The following CCDC73 variants were observed in gnomAD, a reference collection of about 807,000 sequenced individuals.
CCDC73 encodes the protein coiled-coil domain containing 73.
Under a neutral mutation model 116.5 loss-of-function variants are expected in CCDC73, and 95 were observed. The observed-to-expected ratio is 0.82, with a 90% confidence interval of 0.69 to 0.97. The LOEUF (loss-of-function observed/expected upper bound fraction) is 0.97. CCDC73 is among the 50% of genes least tolerant of loss of function. The probability of loss-of-function intolerance (pLI) is 0.00; values close to 1 mark genes in which losing one functional copy is unlikely to be tolerated. For synonymous variants in CCDC73, 398 were observed against 401.3 expected (o/e 0.99, Z 0.10); for missense variants, 1,066 against 1,206.8 (o/e 0.88, Z 1.73).
intron 14 of CCDC73, among the ~76,000 whole-genome samples, chr11:32,626,185 AACAG>A (rs1367862482): frequency 1.3e-5 from 2 of 152,032 alleles, no homozygotes; most frequent in South Asian, 2.1e-4. Flanking sequence ...ATACACCAAT[AACAG>A]ACAGAGAGCC....
intron 3 of CCDC73, among the ~76,000 whole-genome samples, chr11:32,708,643 G>GT (rs1184446164): frequency 2.0e-5 from 3 of 152,092 alleles, no homozygotes; most frequent in Non-Finnish European, 2.9e-5. Flanking sequence ...ATATTCCTAT[G>GT]TTTTTTTGGT....
At chr11:32,680,675 T>C (rs2133292684) in intron 7 of CCDC73, 1 of 152,212 alleles carries the variant, frequency 6.6e-6, no homozygotes, top group Non-Finnish European at 1.5e-5. Context: ...TTTTCCTATT[T>C]ACTTAAGGAG....
intron 1 of CCDC73, among the ~76,000 whole-genome samples, chr11:32,765,992 G>A (rs1338179114): frequency 2.6e-5 from 4 of 152,188 alleles, no homozygotes; most frequent in Non-Finnish European, 5.9e-5. Context: ...AAGCCTGGCA[G>A]AGACACAACA....
At chr11:32,622,919 T>C (rs989363785) in intron 14 of CCDC73, among the ~76,000 whole-genome samples, 1 of 151,836 alleles carries the variant, frequency 6.6e-6, no homozygotes, top group African/African-American at 2.4e-5. Context: ...AAGCAAGAAA[T>C]AGTATCAAAT....
intron 2 of CCDC73, among the ~76,000 whole-genome samples, chr11:32,736,994 A>G (rs11031959): frequency 0.2 from 29,487 of 148,756 alleles, 4,000 homozygotes; most frequent in East Asian, 0.66. Context: ...GTATATATGT[A>G]TATATATATA....
chr11:32,826,148 A>T, the CCDC73 span, among the ~76,000 whole-genome samples: 1 of 152,148 alleles, frequency 6.6e-6, no homozygotes. Context: ...AAAATTCTTA[A>T]CCCCTTTACT....
chr11:32,651,778 C>G (rs1449734325), intron 12 of CCDC73, among the ~76,000 whole-genome samples: 1 of 152,216 alleles, frequency 6.6e-6, no homozygotes, highest in East Asian at 1.9e-4. Flanking sequence ...TGGCCCTGGC[C>G]TTGACTGATG....
chr11:32,608,604 G>A lies in CCDC73; in HGVS notation c.3030+2528C>T, dbSNP rs564109162. Among the ~76,000 whole-genome samples the A allele has an allele frequency of 1.7e-3, 259 of 152,254 alleles. 2 individuals are homozygous for A. Among genetic ancestry groups the A allele is most frequent in the African/African-American group, 6.0e-3 (249 of 41,548 alleles). ...GCTGTTGGTGGATCTACCATTATGG[G>A]GTCTAGAGGATGGTGGCCCTCTTCT... is the stretch of plus-strand genomic sequence containing the variant. On this transcript the variant is annotated intron_variant, in intron 17 of 17. Transcript: ENST00000335185.
chr11:32,614,111 A>G lies in CCDC73; in HGVS notation c.2207T>C (p.Leu736Ser). 4 of 1,613,692 alleles carry G rather than the reference A, an allele frequency of 2.5e-6. No homozygotes were observed. The highest frequency in any genetic ancestry group is 3.4e-6 in the Non-Finnish European group (4 of 1,179,874). The change falls in exon 16 of 18, where the codon TTG becomes TCG. Residue 736 changes from leucine to serine, a missense_variant. Coordinates refer to ENST00000335185, the MANE Select transcript of CCDC73 (RefSeq NM_001008391.4). ...SDKNVHSMSMLVKPNSSPGGK... is the reference protein window; with the variant it reads ...SDKNVHSMSMSVKPNSSPGGK... ...CCCAGGGCTTGAGTTAGGTTTCACC[A>G]ACATAGACATACTATGGACATTTTT...
At chr11:32,728,633 C>T (rs1361976225) in intron 2 of CCDC73, among the ~76,000 whole-genome samples, 9 of 152,186 alleles carry the variant, frequency 5.9e-5, no homozygotes, top group African/African-American at 2.2e-4. Context: ...TATACACAGA[C>T]GTCTATATTT....
intron 9 of CCDC73, among the ~76,000 whole-genome samples, chr11:32,655,603 A>T (rs1469980664): frequency 6.6e-6 from 1 of 152,192 alleles, no homozygotes; most frequent in Non-Finnish European, 1.5e-5. Context: ...GTGTTATTTC[A>T]GGGGACAGAG....
intron 14 of CCDC73, among the ~76,000 whole-genome samples, chr11:32,626,096 A>C (rs942496908): frequency 5.3e-5 from 8 of 151,472 alleles, no homozygotes; most frequent in African/African-American, 1.9e-4. Flanking sequence ...GTCTCAGCCC[A>C]AAATCTCCTT....
chr11:32,747,690 C>T (rs145941897), intron 2 of CCDC73, among the ~76,000 whole-genome samples: 1 of 152,302 alleles, frequency 6.6e-6, no homozygotes, highest in East Asian at 1.9e-4. Context: ...TTTCAGCATC[C>T]CAGGTCAATC....
chr11:32,762,344 A>G (rs192041030), intron 1 of CCDC73, among the ~76,000 whole-genome samples: 76 of 152,350 alleles, frequency 5.0e-4, no homozygotes, highest in Non-Finnish European at 2.4e-4. Flanking sequence ...CCAAGAACCA[A>G]GAAGCAGACC....
chr11:32,677,672 G>A (rs1388160925), intron 7 of CCDC73, among the ~76,000 whole-genome samples: 1 of 152,052 alleles, frequency 6.6e-6, no homozygotes, highest in Non-Finnish European at 1.5e-5. Context: ...CCAAAGTACA[G>A]GCCAGGCGCA....
chr11:32,637,023 T>C (rs866523390), intron 13 of CCDC73, among the ~76,000 whole-genome samples: 139 of 133,802 alleles, frequency 1.0e-3, no homozygotes, highest in South Asian at 6.2e-3. Context: ...TTTTCTTTTT[T>C]TTTTTTTTTT....
At chr11:32,727,060 C>CTTGA (rs911828061) in intron 2 of CCDC73, among the ~76,000 whole-genome samples, 2 of 151,998 alleles carry the variant, frequency 1.3e-5, no homozygotes, top group African/African-American at 4.8e-5. Context: ...TTTTACTGAC[C>CTTGA]TTGACACTTT....
At chr11:32,803,839 G>C in the CCDC73 span, among the ~76,000 whole-genome samples, 1 of 152,010 alleles carries the variant, frequency 6.6e-6, no homozygotes, top group Non-Finnish European at 1.5e-5. Context: ...ACAGAGTCTC[G>C]CTCTGTCACC....
chr11:32,688,182 A>G (rs1856222831), intron 6 of CCDC73, among the ~76,000 whole-genome samples: 2 of 151,902 alleles, frequency 1.3e-5, no homozygotes, highest in African/African-American at 4.9e-5. Flanking sequence ...ATACTACCTC[A>G]GTCAAATTAT....
Sources: gnomAD v4.1 joint callset for allele counts (sites outside exome capture counted in the v4.1 genomes callset) on GRCh38, gnomAD v4.1.1 for gene constraint, MANE v1.5 for transcripts, NCBI Gene and HGNC (gene_info 2026-07-23, HGNC 2026-07-21) for gene names.